The following HSH2D variants were observed in gnomAD, a reference collection of about 807,000 sequenced individuals.
HSH2D encodes the protein hematopoietic SH2 domain containing, also known as hematopoietic SH2 domain-containing protein.
HSH2D carries 16 observed loss-of-function variants against 21.5 expected under a neutral mutation model. The ratio of observed to expected loss-of-function variants is 0.74; its 90% confidence interval spans 0.50 to 1.13. HSH2D has a LOEUF of 1.13. Ranked by LOEUF, HSH2D falls within the 50% of genes most tolerant of loss-of-function variation. The pLI is 0.00. For synonymous variants in HSH2D, 172 were observed against 184.7 expected, an observed-to-expected ratio of 0.93 and a Z score of 0.56; for missense variants, 418 against 441.4, an observed-to-expected ratio of 0.95 and a Z score of 0.47.
chr19:16,151,677 C>A (rs55831206), intron 2 of HSH2D: 2 of 442,048 alleles, frequency 4.5e-6, no homozygotes, highest in African/African-American at 4.2e-5. Context: ...GGGAGGAGGT[C>A]TGGCCTGAGA....
chr19:16,158,471 T>A lies in HSH2D; in HGVS notation c.*677T>A, dbSNP rs1033046509. On this transcript the variant is annotated 3_prime_UTR_variant, in exon 6 of 6. Coordinates refer to ENST00000613986, the MANE Select transcript of HSH2D (RefSeq NM_001382417.1). ...ATTGCTTGAACCCGGGAGGCAGAGG[T>A]TGCAGTGAGCCGAGATCGCATCACT... is the stretch of plus-strand genomic sequence containing the variant. The A allele has an allele frequency of 6.6e-6, 1 of 151,162 alleles. No individual in the cohort carries two copies. Among genetic ancestry groups the A allele is most frequent in the Non-Finnish European group, 1.5e-5 (1 of 67,838 alleles). 9.4% of individuals were successfully genotyped at this position (151,162 alleles called of 1,614,324 possible). A position where few individuals can be genotyped will look rare whatever the true frequency, so the allele number is the denominator to read the frequency against.
intron 1 of HSH2D, among the ~76,000 whole-genome samples, chr19:16,137,959 C>T (rs186949385): frequency 6.6e-6 from 1 of 152,182 alleles, no homozygotes; most frequent in African/African-American, 2.4e-5. Flanking sequence ...ACTTCTGCCT[C>T]CTGGGTTCAA....
At chr19:16,137,470 A>G (rs2145008389) in intron 1 of HSH2D, among the ~76,000 whole-genome samples, 1 of 152,158 alleles carries the variant, frequency 6.6e-6, no homozygotes, top group African/African-American at 2.4e-5. Flanking sequence ...TCTACTAAAA[A>G]TACAAAAATT....
At chr19:16,150,768 G>A (rs1255244941) in intron 2 of HSH2D, among the ~76,000 whole-genome samples, 2 of 152,134 alleles carry the variant, frequency 1.3e-5, no homozygotes, top group Admixed American at 6.6e-5. Flanking sequence ...TGAGGTGGGA[G>A]GATCTCTTGA....
Position 16,157,556 on chromosome 19 carries a change from T to C in HSH2D, c.821T>C (p.Leu274Pro). 6.2e-7 allele frequency: 1 copy of C among 1,613,658 alleles called. No individual in the cohort carries two copies. Among genetic ancestry groups the C allele is most frequent in the Non-Finnish European group, 8.5e-7 (1 of 1,179,774 alleles). ...ACGGATCCCTGTGTGGCCACATCTC[T>C]CAAAAGCCCCTCACAGCCCCAGGCA... ...GYTDPCVATS[L>P]KSPSQPQAPK... Residue 274 changes from leucine to proline, a missense_variant, in exon 6 of 6, where the codon CTC (leucine) becomes CCC (proline). Physicochemically the swap from Leu to Pro is moderately conservative, Grantham distance 98 (BLOSUM62 -3). Coordinates refer to ENST00000613986, the MANE Select transcript of HSH2D (RefSeq NM_001382417.1). This position sits in a 1 kb window ranked among gnomAD's most constrained non-coding sequence, Gnocchi z 4.4.
chr19:16,142,935 A>G (rs1171375261), upstream of HSH2D, among the ~76,000 whole-genome samples: 1 of 148,374 alleles, frequency 6.7e-6, no homozygotes, highest in Non-Finnish European at 1.5e-5. Context: ...ACCACGCCTA[A>G]TTTTTGTATT....
intron 5 of HSH2D, among the ~76,000 whole-genome samples, chr19:16,155,984 A>G (rs954688137): frequency 2.6e-5 from 4 of 151,798 alleles, no homozygotes; most frequent in South Asian, 4.2e-4. Context: ...AGATGGAAAG[A>G]AGGAGGAAGT....
Position 16,152,583 on chromosome 19 carries a change from C to T in HSH2D, c.157C>T (p.Leu53=), listed in dbSNP as rs770277045. The change falls in exon 3 of 6, where the codon CTG becomes TTG. Residue 53 remains leucine (L), a synonymous_variant. Coordinates refer to ENST00000613986, the MANE Select transcript of HSH2D (RefSeq NM_001382417.1). Reference sequence around the variant, plus strand: ...TGAGAACTTGCTGGAGTCACAGCCACTGGGATCCTTTCTCATCAGGGTCAG... The same window carrying T: ...TGAGAACTTGCTGGAGTCACAGCCATTGGGATCCTTTCTCATCAGGGTCAG... The part of the protein sequence containing the change: ...DAENLLESQP[L]GSFLIRVSHS... The T allele has an allele frequency of 6.6e-7, 1 of 1,509,778 alleles. No homozygotes were observed. Among genetic ancestry groups the T allele is most frequent in the Non-Finnish European group, 8.8e-7 (1 of 1,131,488 alleles). 93.5% of individuals were successfully genotyped at this position (1,509,778 alleles called of 1,614,324 possible).
intron 4 of HSH2D, 63 bp from the exon 5 acceptor site, chr19:16,154,336 A>G: frequency 8.9e-7 from 1 of 1,119,298 alleles, no homozygotes; most frequent in South Asian, 1.4e-5. Flanking sequence ...CCTGCCTTCC[A>G]GGGTCCGTGC....
At chr19:16,136,852 C>T (rs1393285451) in intron 1 of HSH2D, among the ~76,000 whole-genome samples, 1 of 152,200 alleles carries the variant, frequency 6.6e-6, no homozygotes, top group African/African-American at 2.4e-5. Context: ...AATATAACAC[C>T]TAGTCCAACC....
intron 2 of HSH2D, among the ~76,000 whole-genome samples, chr19:16,149,636 G>A (rs990113103): frequency 6.6e-6 from 1 of 150,494 alleles, no homozygotes; most frequent in Non-Finnish European, 1.5e-5. Flanking sequence ...GCCCAGGCTG[G>A]TGTGTAGTGG....
In HSH2D at chr19:16,156,754, G is replaced by A. The variant is rs141702277; in HGVS notation, c.475-456G>A. On this transcript the variant is annotated intron_variant, in intron 5 of 5. Transcript: ENST00000613986. ...TGTAATCCCAGCACTCTGGGAGGCC[G>A]AGGTGGGTGGATCACCTGAGGTAAG... Among the ~76,000 whole-genome samples the A allele has an allele frequency of 6.0e-4, 91 of 152,248 alleles. 1 individual carries two copies. The highest frequency in any genetic ancestry group is 2.9e-4 in the African/African-American group (12 of 41,538).
chr19:16,135,361 G>A (rs925517847), intron 1 of HSH2D, among the ~76,000 whole-genome samples: 5 of 151,968 alleles, frequency 3.3e-5, no homozygotes, highest in Non-Finnish European at 5.9e-5. Context: ...CCCAGGAGTT[G>A]GAGGCTGCAG....
intron 1 of HSH2D, among the ~76,000 whole-genome samples, chr19:16,144,901 C>T (rs1188757986): frequency 6.6e-6 from 1 of 151,078 alleles, no homozygotes; most frequent in African/African-American, 2.4e-5. Context: ...ACCATGTTAG[C>T]CAGGATGGTC....
chr19:16,147,486 AAAAAAAAAAAAAG>A (rs534535640), intron 1 of HSH2D, among the ~76,000 whole-genome samples: 1,873 of 149,878 alleles, frequency 0.012, 45 homozygotes, highest in African/African-American at 0.043. Context: ...CCTGTCTCAA[AAAAAAAAAAAAAG>A]AAAAAAAACA....
At chr19:16,148,281 T>C (rs1311536923) in intron 1 of HSH2D, among the ~76,000 whole-genome samples, 2 of 152,132 alleles carry the variant, frequency 1.3e-5, no homozygotes, top group Non-Finnish European at 2.9e-5. Context: ...CCGGAGTAGC[T>C]GGGATTACAA....
chr19:16,144,009 C>T (rs2091029310), intron 1 of HSH2D, among the ~76,000 whole-genome samples: 2 of 151,814 alleles, frequency 1.3e-5, no homozygotes, highest in South Asian at 2.1e-4. Context: ...TATGGAGAGG[C>T]AAGAGAGAGA....
At position 16,148,714 on chromosome 19, in the gene HSH2D, C is replaced by T. The variant is rs756576992; in HGVS notation, c.-27-10C>T. The stretch of plus-strand genomic sequence containing the variant: ...GCTTGATTCTTGTCTTCCCTCCCTT[C>T]TCTACCCAGGTGACCTTCCCTCCAC... On this transcript the variant is annotated splice_polypyrimidine_tract_variant and intron_variant, in intron 1 of 5. Transcript: ENST00000613986. 1.1e-5 allele frequency: 18 copies of T among 1,613,392 alleles called. No individual in the cohort carries two copies. Among genetic ancestry groups the T allele is most frequent in the Non-Finnish European group, 1.4e-5 (16 of 1,179,594 alleles).
chr19:16,155,484 G>C (rs551690924), intron 5 of HSH2D, among the ~76,000 whole-genome samples: 1 of 152,248 alleles, frequency 6.6e-6, no homozygotes, highest in Admixed American at 6.5e-5. Context: ...GTTAGTGAGA[G>C]AGAGATTGTC....
Sources: gnomAD v4.1 joint callset for allele counts (sites outside exome capture counted in the v4.1 genomes callset) on GRCh38, gnomAD v4.1.1 for gene constraint, Gnocchi (gnomAD v3.1) non-coding constraint, MANE v1.5 for transcripts, NCBI Gene and HGNC (gene_info 2026-07-23, HGNC 2026-07-21) for gene names.